Variants in CYTH4 observed in about 807,000 individuals in gnomAD.
CYTH4 encodes cytohesin 4, also known as cytohesin-4.
Under a neutral mutation model 57.5 loss-of-function variants are expected in CYTH4, and 22 were observed. The observed-to-expected ratio is 0.38, with a 90% confidence interval of 0.27 to 0.55. The LOEUF (loss-of-function observed/expected upper bound fraction) is 0.55. Ranked by LOEUF, CYTH4 falls within the 20% of genes least tolerant of loss-of-function variation. The pLI is 0.74. For missense variants in CYTH4, 420 were observed against 535.6 expected (o/e 0.78, Z 2.13); for synonymous variants, 186 against 206.5 (o/e 0.90, Z 0.85).
intron 6 of CYTH4, 97 bp downstream of exon 6, chr22:37,299,403 G>T (rs1367578186): frequency 8.2e-6 from 9 of 1,094,222 alleles, no homozygotes; most frequent in East Asian, 2.4e-5. Context: ...ACAAACAAAG[G>T]GTTGGGAGCA....
intron 9 of CYTH4, chr22:37,309,952 G>A (rs539085035): frequency 1.5e-4 from 68 of 460,010 alleles, no homozygotes; most frequent in Middle Eastern, 9.0e-4. Context: ...GTGCCCGGCC[G>A]TCTGCCCCTG....
chr22:37,300,255 C>T (rs954440413), intron 6 of CYTH4: 4 of 716,616 alleles, frequency 5.6e-6, no homozygotes, highest in African/African-American at 5.2e-5. Context: ...TAACTCCCAG[C>T]TCTTTAAGGG....
intron 1 of CYTH4, among the ~76,000 whole-genome samples, chr22:37,286,594 C>T (rs1928570215): frequency 6.6e-6 from 1 of 151,844 alleles, no homozygotes; most frequent in South Asian, 2.1e-4. Flanking sequence ...CCAGGAGGAC[C>T]CCTGAAAAGG....
At chr22:37,310,572 G>T (rs903553652) in intron 9 of CYTH4, among the ~76,000 whole-genome samples, 2 of 152,198 alleles carry the variant, frequency 1.3e-5, no homozygotes, top group Non-Finnish European at 2.9e-5. Flanking sequence ...CTCTTCATAC[G>T]TGGTTGTGAG....
intron 7 of CYTH4, among the ~76,000 whole-genome samples, chr22:37,302,481 C>T (rs1311632379): frequency 6.6e-6 from 1 of 152,206 alleles, no homozygotes; most frequent in African/African-American, 2.4e-5. Context: ...GAGAGCTTAG[C>T]ACAGGGCAAG....
chr22:37,290,719 A>C (rs1014264070), intron 1 of CYTH4, among the ~76,000 whole-genome samples: 1 of 152,204 alleles, frequency 6.6e-6, no homozygotes, highest in Non-Finnish European at 1.5e-5. Context: ...TGTGTTATCC[A>C]GGATGGTCTC....
At position 37,309,167 on chromosome 22, in the gene CYTH4, G is replaced by A. The variant is rs767240059; in HGVS notation, c.697-45G>A. The A allele has an allele frequency of 3.7e-5, 59 of 1,586,834 alleles. No homozygotes were observed. The South Asian group carries it at 4.0e-4, about 11-fold the overall frequency. On this transcript the variant is annotated intron_variant, in intron 8 of 12. Transcript: ENST00000248901. ...CAGGCCAGGCCTAGGCCTTGGACTC[G>A]GGTGGACTCACAGCCAGGTCTTTCT...
At chr22:37,285,727 A>C (rs950775642) in intron 1 of CYTH4, among the ~76,000 whole-genome samples, 3 of 151,990 alleles carry the variant, frequency 2.0e-5, no homozygotes, top group Non-Finnish European at 4.4e-5. Context: ...ACAAACAAAC[A>C]AACAAAAAAA....
intron 1 of CYTH4, among the ~76,000 whole-genome samples, chr22:37,288,516 G>A (rs1928633991): frequency 6.6e-6 from 1 of 152,066 alleles, no homozygotes; most frequent in African/African-American, 2.4e-5. Context: ...AACCTGGGAG[G>A]CAGAGGTTGC....
At position 37,300,975 on chromosome 22, in the gene CYTH4, C is replaced by A; in HGVS notation, c.503C>A (p.Ala168Asp). The A allele has an allele frequency of 6.2e-7, 1 of 1,614,182 alleles. No individual in the cohort carries two copies. The highest frequency in any genetic ancestry group is 8.5e-7 in the Non-Finnish European group (1 of 1,180,026). Residue 168 changes from alanine to aspartate, a missense_variant, in exon 7 of 13, where the codon GCC (alanine) becomes GAC (aspartate). Coordinates refer to ENST00000248901, the MANE Select transcript of CYTH4 (RefSeq NM_013385.5). The stretch of plus-strand genomic sequence containing the variant: ...ATAGACCGGATGATGGAGGCCTTTG[C>A]CACTCGATACTGCCTCTGCAACCCA... ...QKIDRMMEAF[A>D]TRYCLCNPGV...
At chr22:37,302,219 T>C (rs76097492) in intron 7 of CYTH4, among the ~76,000 whole-genome samples, 3,703 of 152,326 alleles carry the variant, frequency 0.024, 171 homozygotes, top group African/African-American at 0.084. Context: ...CAAGTCTAAA[T>C]GTCCTGCAAG....
intron 9 of CYTH4, among the ~76,000 whole-genome samples, chr22:37,310,251 C>G (rs56306899): frequency 2.6e-5 from 4 of 152,126 alleles, no homozygotes; most frequent in African/African-American, 9.7e-5. Context: ...TGTCCGCCCC[C>G]GAGAAGCTCT....
At position 37,313,139 on chromosome 22, in the gene CYTH4, G is replaced by A. The variant is rs566417710; in HGVS notation, c.1113-300G>A. On this transcript the variant is annotated intron_variant, in intron 12 of 12. Transcript: ENST00000248901. ...CCCCAAGCTCTTCCCATCACCTTCC[G>A]AAGGTCGCCAGTGGGAGCCTGGAGA... Among the ~76,000 whole-genome samples the A allele has an allele frequency of 1.8e-4, 27 of 152,324 alleles. No individual in the cohort carries two copies. The East Asian group carries it at 3.5e-3, about 20-fold the overall frequency.
At position 37,312,170 on chromosome 22, in the gene CYTH4, A is replaced by C; in HGVS notation, c.1108A>C (p.Ile370Leu). ...GGAACGTGACCAGTGGATCGAGTCC[A>C]TCCGGTAAGGGGTGCCCAGGTCTGG... The part of the protein sequence containing the change: ...AEERDQWIES[I>L]RASITRVPFY... Residue 370 changes from isoleucine (I) to leucine (L), a missense_variant, in exon 12 of 13, where the codon ATC becomes CTC. Physicochemically the swap from Ile to Leu is conservative, Grantham distance 5. Coordinates refer to ENST00000248901, the MANE Select transcript of CYTH4 (RefSeq NM_013385.5). 1 of 1,614,072 alleles carries C rather than the reference A, an allele frequency of 6.2e-7. No individual in the cohort carries two copies. The highest frequency in any genetic ancestry group is 8.5e-7 in the Non-Finnish European group (1 of 1,179,910).
intron 4 of CYTH4, 60 bp from the exon 5 acceptor site, chr22:37,297,504 C>A: frequency 6.8e-7 from 1 of 1,466,068 alleles, no homozygotes; most frequent in Non-Finnish European, 9.5e-7. Context: ...TTCCTCCCTT[C>A]CCCCTCCCAG....
At chr22:37,289,567 A>G (rs1214439261) in intron 1 of CYTH4, among the ~76,000 whole-genome samples, 3 of 152,166 alleles carry the variant, frequency 2.0e-5, no homozygotes, top group African/African-American at 7.2e-5. Flanking sequence ...AGAGGGATAG[A>G]CCCTGGTCCA....
At chr22:37,308,484 G>A (rs537701388) in intron 8 of CYTH4, among the ~76,000 whole-genome samples, 18 of 152,112 alleles carry the variant, frequency 1.2e-4, no homozygotes, top group South Asian at 1.0e-3. Context: ...ATGTGTGTAC[G>A]TGTGCATGTG....
chr22:37,313,666 G>A lies in CYTH4; in HGVS notation c.*155G>A. ...AGCTGACTCTAGAGGGGAAGGCAGA[G>A]CTCAGGAGGGTGGGTGGGAGCTGCA... On this transcript the variant is annotated 3_prime_UTR_variant, in exon 13 of 13. Transcript: ENST00000248901. 1.4e-6 allele frequency: 1 copy of A among 712,810 alleles called. No individual in the cohort carries two copies. Among genetic ancestry groups the A allele is most frequent in the Non-Finnish European group, 2.4e-6 (1 of 423,358 alleles). The allele number at this position is 712,810 out of a possible 1,614,324, so 44.2% of individuals were successfully genotyped here.
chr22:37,305,529 A>C (rs1461967472), intron 8 of CYTH4, among the ~76,000 whole-genome samples: 1 of 152,216 alleles, frequency 6.6e-6, no homozygotes, highest in Non-Finnish European at 1.5e-5. Flanking sequence ...TAAGGTATTC[A>C]GCCAAGTGCC....
Sources: allele counts gnomAD v4.1 joint callset (sites outside exome capture counted in the v4.1 genomes callset), GRCh38; gene constraint gnomAD v4.1.1; transcripts MANE v1.5; gene names NCBI Gene and HGNC (gene_info 2026-07-23, HGNC 2026-07-21).